TBL2: variants seen among roughly 807,000 people sequenced by gnomAD.
The protein encoded by TBL2 is transducin beta-like protein 2.
A neutral mutation model predicts 41.8 loss-of-function variants in TBL2; 33 were observed. That is an observed-to-expected ratio of 0.79 (90% CI 0.60 to 1.06). The LOEUF is 1.06. Among genes scored for constraint, TBL2 ranks in the 50% least tolerant of loss-of-function variants. TBL2 has a pLI of 0.00. For missense variants in TBL2, 522 were observed against 603.8 expected (o/e 0.86, Z 1.42); for synonymous variants, 239 against 241.7 (o/e 0.99, Z 0.10).
chr7:73,578,394 C>T (rs1554589448), intron 1 of TBL2, 26 bp downstream of exon 1: 2 of 1,524,130 alleles, frequency 1.3e-6, no homozygotes, highest in Non-Finnish European at 8.8e-7. Context: ...CCGCGGGCCG[C>T]CCCCACCCGA....
In TBL2 at chr7:73,578,410, C is replaced by T. The variant is rs1554589467; in HGVS notation, c.130+10G>A. ...CGCGGGCCGCCCCCACCCGACCCGG[C>T]CCCACTTACAGGCGGGCCGGCCGCT... is the stretch of plus-strand genomic sequence containing the variant. On this transcript the variant is annotated intron_variant, in intron 1 of 6. Transcript: ENST00000305632. 14 of 1,525,512 alleles carry T rather than the reference C, an allele frequency of 9.2e-6. No homozygotes were observed. The highest frequency in any genetic ancestry group is 1.2e-5 in the South Asian group (1 of 81,782). 94.5% of individuals were successfully genotyped at this position (1,525,512 alleles called of 1,614,324 possible).
At position 73,573,921 on chromosome 7, in the gene TBL2, G is replaced by A. The variant is rs1244046861; in HGVS notation, c.446+17C>T. 5.0e-6 allele frequency: 8 copies of A among 1,610,822 alleles called. No homozygotes were observed. Among genetic ancestry groups the A allele is most frequent in the Non-Finnish European group, 6.8e-6 (8 of 1,179,672 alleles). On this transcript the variant is annotated intron_variant, in intron 3 of 6. Transcript: ENST00000305632. Reference sequence around the variant, plus strand: ...CTAGGCCTCTGCAGGCAAACCTGAGGCTCCGTCTTGTCCCACCTGCAGTCA... The same window carrying A: ...CTAGGCCTCTGCAGGCAAACCTGAGACTCCGTCTTGTCCCACCTGCAGTCA...
In TBL2 at chr7:73,573,302, C is replaced by T; in HGVS notation, c.598+18G>A. On this transcript the variant is annotated intron_variant, in intron 4 of 6. Coordinates refer to ENST00000305632, the MANE Select transcript of TBL2 (RefSeq NM_012453.4). ...CCTTCATGCTTTGGGCAGGCGCCACCCTCTGAATGCCTCTTACCTGTGTTA... is the reference window on the plus strand; with the variant it reads ...CCTTCATGCTTTGGGCAGGCGCCACTCTCTGAATGCCTCTTACCTGTGTTA... 1 of 1,613,460 alleles carries T rather than the reference C, an allele frequency of 6.2e-7. No individual in the cohort carries two copies. The highest frequency in any genetic ancestry group is 8.5e-7 in the Non-Finnish European group (1 of 1,179,688).
At chr7:73,576,541 C>T (rs1793330246) in intron 1 of TBL2, 1 of 452,388 alleles carries the variant, frequency 2.2e-6, no homozygotes, top group East Asian at 7.0e-5. Context: ...ACTCCAGTAC[C>T]TGAAAGAACT....
intron 1 of TBL2, chr7:73,578,165 A>C (rs1793457559): frequency 1.5e-6 from 2 of 1,317,766 alleles, no homozygotes; most frequent in Non-Finnish European, 2.0e-6. Flanking sequence ...CACCCCGGGG[A>C]CGGCCTGGCC....
chr7:73,572,667 G>A (rs1173128462), intron 5 of TBL2, among the ~76,000 whole-genome samples, 177 bp downstream of exon 5: 1 of 152,112 alleles, frequency 6.6e-6, no homozygotes, highest in Non-Finnish European at 1.5e-5. Context: ...CTAAGGACAT[G>A]GGGCGACCTG....
At chr7:73,572,321 C>T (rs62466288) in intron 5 of TBL2, among the ~76,000 whole-genome samples, 6,646 of 152,098 alleles carry the variant, frequency 0.044, 181 homozygotes, top group Non-Finnish European at 0.066. Flanking sequence ...TGGTAGTGCA[C>T]GCCTGTAGTC....
Position 73,570,371 on chromosome 7 carries a change from G to A in TBL2, c.*136C>T, listed in dbSNP as rs1792846044. 16 of 1,382,770 alleles carry A rather than the reference G, an allele frequency of 1.2e-5. No individual in the cohort carries two copies. The highest frequency in any genetic ancestry group is 1.4e-5 in the Non-Finnish European group (15 of 1,060,450). 85.7% of individuals were successfully genotyped at this position (1,382,770 alleles called of 1,614,324 possible). A position where few individuals can be genotyped will look rare whatever the true frequency, so the allele number is the denominator to read the frequency against. Reference sequence around the variant, plus strand: ...TAAGTAGACAAGAGTAGTTTCAATGGGAAGAAGCAGGGCCACCAGTAAGAA... The same window carrying A: ...TAAGTAGACAAGAGTAGTTTCAATGAGAAGAAGCAGGGCCACCAGTAAGAA... On this transcript the variant is annotated 3_prime_UTR_variant, in exon 7 of 7. Transcript: ENST00000305632.
At chr7:73,574,280 C>A in intron 2 of TBL2, 103 bp downstream of exon 2, 2 of 1,547,670 alleles carry the variant, frequency 1.3e-6, no homozygotes, top group Non-Finnish European at 8.7e-7. Context: ...CCCGCTGATT[C>A]TGATCAGAGG....
intron 1 of TBL2, among the ~76,000 whole-genome samples, chr7:73,577,703 G>A (rs1181991732): frequency 6.6e-6 from 1 of 152,182 alleles, no homozygotes; most frequent in Non-Finnish European, 1.5e-5. Context: ...ACAGTGGCGC[G>A]ATCTATCACA....
chr7:73,577,267 A>ACCC (rs1563456558), intron 1 of TBL2, among the ~76,000 whole-genome samples: 2 of 148,460 alleles, frequency 1.3e-5, no homozygotes, highest in African/African-American at 5.0e-5. Context: ...CCCCCTGCAA[A>ACCC]AAAAAAAAAA....
Position 73,573,402 on chromosome 7 carries a change from C to T in TBL2, c.516G>A (p.Gly172=). The T allele has an allele frequency of 2.5e-6, 4 of 1,614,178 alleles. No individual in the cohort carries two copies. The highest frequency in any genetic ancestry group is 2.2e-5 in the East Asian group (1 of 44,886). ...CTGGGGTGGCTGTGAAGGTGTAGCC[C>T]CCATCCTCCCGCTTGGTCATCTTGA... is the stretch of plus-strand genomic sequence containing the variant. The part of the protein sequence containing the change: ...RVFKMTKRED[G]GYTFTATPED... Residue 172 remains glycine, a synonymous_variant, in exon 4 of 7, where the codon GGG becomes GGA. Transcript: ENST00000305632.
chr7:73,578,308 C>T (rs1554589413), intron 1 of TBL2, 112 bp downstream of exon 1: 1 of 1,535,704 alleles, frequency 6.5e-7, no homozygotes, highest in Non-Finnish European at 8.7e-7. Context: ...AAACTGAGGC[C>T]CATGGAGTCG....
Position 73,577,997 on chromosome 7 carries a change from T to C in TBL2, c.130+423A>G. 3 of 460,034 alleles carry C rather than the reference T, an allele frequency of 6.5e-6. No individual in the cohort carries two copies. The South Asian group carries it at 1.1e-4, about 17-fold the overall frequency. 28.5% of individuals were successfully genotyped at this position (460,034 alleles called of 1,614,324 possible). On this transcript the variant is annotated intron_variant, in intron 1 of 6. Coordinates refer to ENST00000305632, the MANE Select transcript of TBL2 (RefSeq NM_012453.4). ...CATATTTAGGTGTTCATAATACAGA[T>C]GTACTTCTCCTTTACTGGACTCCTT...
chr7:73,574,759 T>C, intron 1 of TBL2: 1 of 589,082 alleles, frequency 1.7e-6, no homozygotes, highest in South Asian at 1.7e-5. Flanking sequence ...CAGTAAGCTA[T>C]GATCACAACA....
At chr7:73,574,318 A>G in intron 2 of TBL2, 65 bp downstream of exon 2, 1 of 1,599,930 alleles carries the variant, frequency 6.3e-7, no homozygotes, top group East Asian at 2.2e-5. Flanking sequence ...TGCATGGAAT[A>G]CTCCAGAGGA....
chr7:73,572,903 C>T lies in TBL2; in HGVS notation c.666G>A (p.Leu222=), dbSNP rs535044649. 36 of 1,614,186 alleles carry T rather than the reference C, an allele frequency of 2.2e-5. 1 individual carries two copies. The South Asian group carries it at 3.6e-4, about 16-fold the overall frequency. The change falls in exon 5 of 7, where the codon CTG becomes CTA. Residue 222 remains leucine, a synonymous_variant. Transcript: ENST00000305632. ...TCATCTGGTTGGTGTTGATGGTAGA[C>T]AGCACTTGACCCTTCAGGCTCCAGA... The part of the protein sequence containing the change: ...VLIWSLKGQV[L]STINTNQMNN...
intron 1 of TBL2, among the ~76,000 whole-genome samples, chr7:73,577,438 G>A (rs1793405800): frequency 6.6e-6 from 1 of 152,082 alleles, no homozygotes; most frequent in African/African-American, 2.4e-5. Context: ...GCCAGGCGTG[G>A]TGGTGTGTGC....
intron 1 of TBL2, chr7:73,578,122 A>T: frequency 1.2e-6 from 1 of 804,846 alleles, no homozygotes; most frequent in Non-Finnish European, 1.9e-6. Context: ...GCGGCCACGG[A>T]GCAGGCTGAA....
Sources: allele counts gnomAD v4.1 joint callset (sites outside exome capture counted in the v4.1 genomes callset), GRCh38; gene constraint gnomAD v4.1.1; transcripts MANE v1.5; gene names NCBI Gene and HGNC (gene_info 2026-07-23, HGNC 2026-07-21).